Variants in TNFRSF1B observed in about 807,000 individuals in gnomAD.
TNFRSF1B encodes the protein TNF receptor superfamily member 1B, also known as tumor necrosis factor receptor superfamily member 1B.
A neutral mutation model predicts 44.6 loss-of-function variants in TNFRSF1B; 19 were observed. The ratio of observed to expected loss-of-function variants is 0.43; its 90% CI spans 0.30 to 0.62. The LOEUF is 0.62. TNFRSF1B is among the 20% of genes least tolerant of loss of function. The probability of loss-of-function intolerance (pLI) is 0.16; values close to 1 mark genes in which losing one functional copy is unlikely to be tolerated. For synonymous variants in TNFRSF1B, 252 were observed against 261.1 expected (o/e 0.97, Z 0.34); for missense variants, 541 against 619.9 (o/e 0.87, Z 1.35).
At chr1:12,205,647 A>C (rs1639486202) in intron 9 of TNFRSF1B, among the ~76,000 whole-genome samples, 1 of 151,958 alleles carries the variant, frequency 6.6e-6, no homozygotes, top group Non-Finnish European at 1.5e-5. Flanking sequence ...TTTGAGATGG[A>C]GTTTGGCTCT....
intron 2 of TNFRSF1B, among the ~76,000 whole-genome samples, chr1:12,189,988 C>T (rs867241952): frequency 5.9e-5 from 9 of 152,136 alleles, no homozygotes; most frequent in Middle Eastern, 3.4e-3. Context: ...CCAGGATGAG[C>T]GAAGGCGAGT....
chr1:12,206,185 C>T (rs369910637), intron 9 of TNFRSF1B, among the ~76,000 whole-genome samples: 7 of 152,008 alleles, frequency 4.6e-5, no homozygotes, highest in East Asian at 3.9e-4. Context: ...GTCAGGTGTT[C>T]GAGACCAACC....
intron 3 of TNFRSF1B, among the ~76,000 whole-genome samples, chr1:12,191,393 T>TGGGAAGAGCGGGACTGCG (rs1238662907): frequency 6.7e-5 from 10 of 149,906 alleles, no homozygotes; most frequent in African/African-American, 1.7e-4. Context: ...GCGAAACTGC[T>TGGGAAGAGCGGGACTGCG]GGGAAGAGCG....
At chr1:12,191,412 G>A (rs914524586) in intron 3 of TNFRSF1B, among the ~76,000 whole-genome samples, 5 of 152,148 alleles carry the variant, frequency 3.3e-5, no homozygotes, top group African/African-American at 7.2e-5. Flanking sequence ...CGGGACTGCG[G>A]GGAAGAGCGG....
rs886980557 is a variant in TNFRSF1B, at chr1:12,171,359, C to CACA, written c.78+4191_78+4193dup. On this transcript the variant is annotated intron_variant, in intron 1 of 9. Transcript: ENST00000376259. This position sits in a 1 kb window ranked among gnomAD's most constrained non-coding sequence, Gnocchi z 4.5. Reference sequence around the variant, plus strand: ...TGCTTTTCTGTCCTCAGATGTGCTGCACACACACCTGCTCCAGGGCCTTTG... The same window carrying CACA: ...TGCTTTTCTGTCCTCAGATGTGCTGCACAACACACACCTGCTCCAGGGCCTTTG... Among the ~76,000 whole-genome samples, 6 of 152,104 alleles carry CACA rather than the reference C, an allele frequency of 3.9e-5. No homozygotes were observed. The highest frequency in any genetic ancestry group is 3.2e-3 in the Middle Eastern group (1 of 316).
rs1638510008 is a variant in TNFRSF1B, at chr1:12,171,004, T to G, written c.78+3835T>G. ...TCTCACTTCTTCTTCTTTTTTTCTA[T>G]TTAATTTTTTTTTATTGAGATAGAG... On this transcript the variant is annotated intron_variant, in intron 1 of 9. Transcript: ENST00000376259. The surrounding 1 kb of genome is among the most constrained non-coding windows in gnomAD (Gnocchi z 4.5). 1.3e-5 allele frequency among the ~76,000 whole-genome samples: 2 copies of G among 149,796 alleles called. No homozygotes were observed. The highest frequency in any genetic ancestry group is 3.0e-5 in the Non-Finnish European group (2 of 67,470).
chr1:12,188,746 A>G, intron 1 of TNFRSF1B, 50 bp from the exon 2 acceptor site: 1 of 1,567,148 alleles, frequency 6.4e-7, no homozygotes, highest in Non-Finnish European at 8.8e-7. Context: ...CAGGCATGGC[A>G]GAACCCAGGG....
intron 8 of TNFRSF1B, among the ~76,000 whole-genome samples, chr1:12,200,788 A>G (rs1639373618): frequency 1.3e-5 from 2 of 151,984 alleles, no homozygotes; most frequent in Non-Finnish European, 2.9e-5. Context: ...ACGCCAGCTA[A>G]TTTTGTATTT....
At chr1:12,205,816 C>G (rs1039350623) in intron 9 of TNFRSF1B, among the ~76,000 whole-genome samples, 2 of 151,646 alleles carry the variant, frequency 1.3e-5, no homozygotes, top group African/African-American at 4.9e-5. Context: ...TGAGTAGAGA[C>G]AGAGTTTCAC....
At chr1:12,193,373 T>G (rs1383884888) in intron 6 of TNFRSF1B, among the ~76,000 whole-genome samples, 1 of 152,168 alleles carries the variant, frequency 6.6e-6, no homozygotes, top group Non-Finnish European at 1.5e-5. Flanking sequence ...GCTAAGAGTT[T>G]GAGGTCAGTC....
chr1:12,170,301 G>A (rs1305942311), intron 1 of TNFRSF1B, among the ~76,000 whole-genome samples: 1 of 152,146 alleles, frequency 6.6e-6, no homozygotes, highest in Non-Finnish European at 1.5e-5. Flanking sequence ...ACTACCAATA[G>A]GTCACAGACC....
At position 12,174,926 on chromosome 1, in the gene TNFRSF1B, G is replaced by A. The variant is rs12090385; in HGVS notation, c.78+7757G>A. Among the ~76,000 whole-genome samples the A allele has an allele frequency of 5.3e-3, 813 of 152,334 alleles. 4 individuals carry two copies. Among genetic ancestry groups the A allele is most frequent in the African/African-American group, 0.018 (764 of 41,560 alleles). ...CCCAGCCACTCTGACCGGAGACAGC[G>A]CAGAAATCACCAGGAGCATTTGTTT... On this transcript the variant is annotated intron_variant, in intron 1 of 9. Transcript: ENST00000376259.
At position 12,188,799 on chromosome 1, in the gene TNFRSF1B, G is replaced by A; in HGVS notation, c.82G>A (p.Ala28Thr). 6.2e-7 allele frequency: 1 copy of A among 1,613,230 alleles called. No homozygotes were observed. Among genetic ancestry groups the A allele is most frequent in the Non-Finnish European group, 8.5e-7 (1 of 1,179,530 alleles). The change falls in exon 2 of 10, where the codon GCA (alanine) becomes ACA (threonine). Residue 28 changes from alanine (A) to threonine (T), a missense_variant. Ala to Thr is a moderately conservative substitution (Grantham distance 58). Transcript: ENST00000376259. ...AAAHALPAQVAFTPYAPEPGS... is the reference protein window; with the variant it reads ...AAAHALPAQVTFTPYAPEPGS... ...AGTCTTCCCTTCTTCCTTCCAGGTG[G>A]CATTTACACCCTACGCCCCGGAGCC...
intron 4 of TNFRSF1B, 190 bp from the exon 5 acceptor site, chr1:12,192,241 C>T: frequency 1.4e-6 from 1 of 712,410 alleles, no homozygotes. Flanking sequence ...CATGTGTGTA[C>T]AGGAATCTGT....
chr1:12,204,140 CCTT>C (rs1445563811), intron 9 of TNFRSF1B, among the ~76,000 whole-genome samples: 2 of 152,064 alleles, frequency 1.3e-5, no homozygotes, highest in African/African-American at 4.8e-5. Context: ...GCTCTGTGCT[CCTT>C]CTCCCGAGTC....
intron 1 of TNFRSF1B, among the ~76,000 whole-genome samples, chr1:12,184,493 CCA>C (rs1638933797): frequency 6.6e-6 from 1 of 152,008 alleles, no homozygotes; most frequent in African/African-American, 2.4e-5. Flanking sequence ...GGGGCTGGAG[CCA>C]CACAGAGCCA....
rs771751980 is a variant in TNFRSF1B, at chr1:12,202,070, C to A, written c.1004C>A (p.Ala335Asp). Residue 335 changes from alanine to aspartate, a missense_variant, in exon 9 of 10, where the codon GCC (alanine) becomes GAC (aspartate). Ala to Asp is a moderately radical substitution (Grantham distance 126, BLOSUM62 -2). Coordinates refer to ENST00000376259, the MANE Select transcript of TNFRSF1B (RefSeq NM_001066.3). ...AGCAGCAGCTCCCTGGAGAGCTCGG[C>A]CAGTGCGTTGGACAGAAGGGCGCCC... ...SSSSSSLESS[A>D]SALDRRAPTR... 1 of 1,599,280 alleles carries A rather than the reference C, an allele frequency of 6.3e-7. No homozygotes were observed. Among genetic ancestry groups the A allele is most frequent in the Non-Finnish European group, 8.5e-7 (1 of 1,173,796 alleles).
chr1:12,180,282 T>A lies in TNFRSF1B; in HGVS notation c.79-8514T>A, dbSNP rs944398080. On this transcript the variant is annotated intron_variant, in intron 1 of 9. Coordinates refer to ENST00000376259, the MANE Select transcript of TNFRSF1B (RefSeq NM_001066.3). This position sits in a 1 kb window ranked among gnomAD's most constrained non-coding sequence, Gnocchi z 4.3. ...CGGTCTCTTTCTATAAATGAAAAAA[T>A]AATAATAAAGCCATGAAGATCCCCA... Among the ~76,000 whole-genome samples, 1 of 151,988 alleles carries A rather than the reference T, an allele frequency of 6.6e-6. No homozygotes were observed. The highest frequency in any genetic ancestry group is 2.4e-5 in the African/African-American group (1 of 41,380).
At chr1:12,206,073 C>G (rs951155802) in intron 9 of TNFRSF1B, among the ~76,000 whole-genome samples, 2 of 152,014 alleles carry the variant, frequency 1.3e-5, no homozygotes, top group Non-Finnish European at 2.9e-5. Flanking sequence ...GTTTTGGATG[C>G]GAGATGGGAG....
Sources: allele counts gnomAD v4.1 joint callset (sites outside exome capture counted in the v4.1 genomes callset), GRCh38; gene constraint gnomAD v4.1.1; non-coding constraint Gnocchi (gnomAD v3.1); transcripts MANE v1.5; gene names NCBI Gene and HGNC (gene_info 2026-07-23, HGNC 2026-07-21).